PLAC1: variants seen among roughly 807,000 people sequenced by gnomAD.
PLAC1 encodes placenta-specific protein 1.
For missense variants in PLAC1, 136 were observed against 163.2 expected (o/e 0.83, Z 0.91); for synonymous variants, 68 against 62.1 (o/e 1.09, Z -0.44).
intron 2 of PLAC1, among the ~76,000 whole-genome samples, chrX:134,666,457 C>A (rs2078437283): frequency 9.0e-6 from 1 of 111,640 alleles, no homozygotes; most frequent in African/African-American, 3.3e-5. Flanking sequence ...CCAAACCTCT[C>A]TGATTTCTGA....
At chrX:134,723,309 T>C (rs1391216058) in intron 2 of PLAC1, among the ~76,000 whole-genome samples, 1 of 89,570 alleles carries the variant, frequency 1.1e-5, no homozygotes, top group African/African-American at 4.6e-5. Context: ...ATTGTATTAC[T>C]TTTTTTTTTT....
At chrX:134,610,396 C>T (rs886089269) in intron 1 of PLAC1, among the ~76,000 whole-genome samples, 2 of 111,044 alleles carry the variant, frequency 1.8e-5, no homozygotes, top group Non-Finnish European at 3.8e-5. Context: ...AATCTCTTCT[C>T]GGCCATGGTT....
intron 2 of PLAC1, among the ~76,000 whole-genome samples, chrX:134,587,572 C>T (rs1355394723): frequency 9.2e-6 from 1 of 109,166 alleles, no homozygotes; most frequent in Non-Finnish European, 1.9e-5. Context: ...CAGAGTGAGA[C>T]CCTGTTTCAA....
intron 2 of PLAC1, among the ~76,000 whole-genome samples, chrX:134,709,623 T>C (rs1030351636): frequency 9.0e-6 from 1 of 110,667 alleles, no homozygotes; most frequent in Non-Finnish European, 1.9e-5. Flanking sequence ...AATAAAACTA[T>C]ATAGTATTGG....
chrX:134,585,250 G>C (rs2124367015), intron 2 of PLAC1, among the ~76,000 whole-genome samples: 1 of 108,102 alleles, frequency 9.3e-6, no homozygotes, highest in South Asian at 4.2e-4. Flanking sequence ...GGAGGCTGAG[G>C]CAGGAGAATC....
At chrX:134,686,266 C>T (rs1371525384) in intron 2 of PLAC1, among the ~76,000 whole-genome samples, 1 of 111,695 alleles carries the variant, frequency 9.0e-6, no homozygotes, top group Non-Finnish European at 1.9e-5. Flanking sequence ...GTTTGGAATT[C>T]TCTTTCAGTT....
intron 1 of PLAC1, among the ~76,000 whole-genome samples, chrX:134,628,110 C>T (rs930501673): frequency 1.6e-4 from 18 of 112,083 alleles, no homozygotes; most frequent in African/African-American, 5.5e-4. Context: ...CCTGGCACAT[C>T]GTAAGTGCTC....
At chrX:134,757,517 C>T (rs959859411) in intron 1 of PLAC1, among the ~76,000 whole-genome samples, 3 of 112,102 alleles carry the variant, frequency 2.7e-5, no homozygotes, top group Non-Finnish European at 5.6e-5. Flanking sequence ...AGAGATATGA[C>T]AAGTACATGA....
chrX:134,762,785 G>A (rs1374720764), intron 1 of PLAC1, among the ~76,000 whole-genome samples: 2 of 83,770 alleles, frequency 2.4e-5, no homozygotes, highest in Non-Finnish European at 4.3e-5. Flanking sequence ...TCATGCCACT[G>A]CACTCCAGCC....
intron 2 of PLAC1, among the ~76,000 whole-genome samples, chrX:134,668,037 C>T (rs1426909334): frequency 2.7e-5 from 3 of 111,838 alleles, no homozygotes; most frequent in Admixed American, 1.9e-4. Flanking sequence ...CACTTGTACA[C>T]GAATGTTCAT....
At chrX:134,670,344 C>T (rs1423146532) in intron 2 of PLAC1, among the ~76,000 whole-genome samples, 2 of 111,854 alleles carry the variant, frequency 1.8e-5, no homozygotes, top group East Asian at 5.7e-4. Flanking sequence ...CCACCTCCTG[C>T]CTCCTAGCTT....
At chrX:134,624,908 T>TGATAGATAGATA (rs58742246) in intron 1 of PLAC1, among the ~76,000 whole-genome samples, 15 of 103,380 alleles carry the variant, frequency 1.5e-4, no homozygotes, top group East Asian at 3.1e-4. Context: ...GACAGATAAA[T>TGATAGATAGATA]GATAGATAGA....
At chrX:134,700,038 G>A (rs191964104) in intron 2 of PLAC1, among the ~76,000 whole-genome samples, 1 of 111,208 alleles carries the variant, frequency 9.0e-6, no homozygotes, top group Non-Finnish European at 1.9e-5. Context: ...CCAGGTTCCT[G>A]CCTCCTAATT....
intron 1 of PLAC1, among the ~76,000 whole-genome samples, chrX:134,737,429 A>C (rs1393639157): frequency 8.9e-6 from 1 of 112,476 alleles, no homozygotes; most frequent in African/African-American, 3.2e-5. Context: ...CGGGGTGTTA[A>C]CTGGTGTGGT....
At chrX:134,608,617 C>T (rs932314166) in intron 1 of PLAC1, among the ~76,000 whole-genome samples, 5 of 111,137 alleles carry the variant, frequency 4.5e-5, no homozygotes, top group African/African-American at 1.6e-4. Context: ...GGTTGGAGAA[C>T]ACTGTAAATG....
At chrX:134,675,051 C>G (rs766886465) in intron 2 of PLAC1, among the ~76,000 whole-genome samples, 11 of 112,372 alleles carry the variant, frequency 9.8e-5, no homozygotes, top group African/African-American at 3.6e-4. Flanking sequence ...TGAACAAGAA[C>G]AGTGATCCAT....
At chrX:134,734,451 C>T (rs1162358324) in intron 1 of PLAC1, among the ~76,000 whole-genome samples, 1 of 112,531 alleles carries the variant, frequency 8.9e-6, no homozygotes, top group Admixed American at 9.4e-5. Context: ...CTTAGTCCCC[C>T]ACTCCACACC....
At chrX:134,639,830 C>T (rs1408821834) in intron 1 of PLAC1, among the ~76,000 whole-genome samples, 1 of 112,087 alleles carries the variant, frequency 8.9e-6, no homozygotes, top group African/African-American at 3.2e-5. Context: ...CAATATGAGG[C>T]CTCAGTGTCT....
intron 1 of PLAC1, among the ~76,000 whole-genome samples, chrX:134,747,954 C>T (rs570794402): frequency 3.6e-5 from 4 of 111,752 alleles, no homozygotes; most frequent in African/African-American, 9.7e-5. Context: ...CAAGGTGATC[C>T]GGTCAGTTAG....
Sources: gnomAD v4.1 joint callset for allele counts (sites outside exome capture counted in the v4.1 genomes callset) on GRCh38, gnomAD v4.1.1 for gene constraint, MANE v1.5 for transcripts, NCBI Gene and HGNC (gene_info 2026-07-23, HGNC 2026-07-21) for gene names.